The following GGT7 variants were observed in gnomAD, a reference collection of about 807,000 sequenced individuals.
The protein encoded by GGT7 is gamma-glutamyltransferase 7, also known as glutathione hydrolase 7.
GGT7 carries 30 observed loss-of-function variants against 69.2 expected under a neutral mutation model. That is an observed-to-expected ratio of 0.43 (90% CI 0.32 to 0.59). GGT7 has a LOEUF of 0.59. Ranked by LOEUF, GGT7 falls within the 20% of genes least tolerant of loss-of-function variation. GGT7 has a pLI of 0.05. For missense variants in GGT7, 733 were observed against 901.1 expected (o/e 0.81, Z 2.39); for synonymous variants, 388 against 391.8 (o/e 0.99, Z 0.12).
At chr20:34,851,747 T>C (rs897360677) in intron 12 of GGT7, among the ~76,000 whole-genome samples, 1 of 152,180 alleles carries the variant, frequency 6.6e-6, no homozygotes, top group Non-Finnish European at 1.5e-5. Flanking sequence ...TTTAACTAGA[T>C]AAAAATTATT....
At chr20:34,862,029 T>C (rs1409351580) in intron 3 of GGT7, among the ~76,000 whole-genome samples, 1 of 152,196 alleles carries the variant, frequency 6.6e-6, no homozygotes, top group Non-Finnish European at 1.5e-5. Flanking sequence ...GGAGCCAAGA[T>C]AGGAACTTTG....
At chr20:34,856,964 G>A in intron 7 of GGT7, 71 bp from the exon 8 acceptor site, 1 of 924,104 alleles carries the variant, frequency 1.1e-6, no homozygotes, top group Non-Finnish European at 1.8e-6. Context: ...TAACACGTTT[G>A]GATCACAGAC....
At chr20:34,859,763 T>G (rs995519626) in intron 6 of GGT7, 124 bp from the exon 7 acceptor site, 1 of 876,386 alleles carries the variant, frequency 1.1e-6, no homozygotes, top group Non-Finnish European at 1.7e-6. Context: ...CCCAGGAGCC[T>G]GTTAAGTGCG....
At position 34,856,868 on chromosome 20, in the gene GGT7, G is replaced by A; in HGVS notation, c.1040C>T (p.Thr347Ile). The A allele has an allele frequency of 6.2e-7, 1 of 1,610,712 alleles. No individual in the cohort carries two copies. The highest frequency in any genetic ancestry group is 2.2e-5 in the East Asian group (1 of 44,836). Residue 347 changes from threonine (T) to isoleucine (I), a missense_variant, in exon 8 of 15, where the codon ACC becomes ATC. Coordinates refer to ENST00000336431, the MANE Select transcript of GGT7 (RefSeq NM_178026.3). ...AEAQHAGGVI[T>I]EEDFSNYSAL... Reference sequence around the variant, plus strand: ...GCTGTAATTGCTGAAGTCCTCTTCGGTTATGACACCCCCTGCGTGCTGAGC... The same window carrying A: ...GCTGTAATTGCTGAAGTCCTCTTCGATTATGACACCCCCTGCGTGCTGAGC...
intron 14 of GGT7, among the ~76,000 whole-genome samples, chr20:34,849,079 A>G (rs1479161867): frequency 6.8e-6 from 1 of 146,408 alleles, no homozygotes; most frequent in African/African-American, 2.5e-5. Flanking sequence ...CACCAAACCC[A>G]CTCCTGCCCT....
intron 3 of GGT7, among the ~76,000 whole-genome samples, chr20:34,861,996 C>T (rs978922710): frequency 7.9e-5 from 12 of 152,286 alleles, no homozygotes; most frequent in East Asian, 7.7e-4. Context: ...TTCTTTGGTA[C>T]GGCTTGGAGA....
At chr20:34,864,594 GC>G (rs1210535822) in intron 1 of GGT7, among the ~76,000 whole-genome samples, 1 of 151,838 alleles carries the variant, frequency 6.6e-6, no homozygotes, top group Non-Finnish European at 1.5e-5. Flanking sequence ...GGTGATGTGT[GC>G]CTCTAATTCC....
At chr20:34,852,797 C>T (rs770103345) in intron 10 of GGT7, among the ~76,000 whole-genome samples, 2 of 152,208 alleles carry the variant, frequency 1.3e-5, no homozygotes, top group African/African-American at 2.4e-5. Flanking sequence ...TTTTAGTTAT[C>T]TGACTTCTTA....
intron 14 of GGT7, among the ~76,000 whole-genome samples, chr20:34,848,997 T>C (rs1197981822): frequency 6.6e-6 from 1 of 152,078 alleles, no homozygotes; most frequent in African/African-American, 2.4e-5. Flanking sequence ...AGGTCCACGA[T>C]CCGGCGCCTG....
intron 14 of GGT7, among the ~76,000 whole-genome samples, chr20:34,849,251 C>T (rs1173261374): frequency 6.6e-6 from 1 of 151,424 alleles, no homozygotes. Context: ...TAACCTCTGC[C>T]TCCCTGGTTC....
chr20:34,855,039 C>T (rs749483658), intron 8 of GGT7, 116 bp from the exon 9 acceptor site: 9 of 943,120 alleles, frequency 9.5e-6, no homozygotes, highest in South Asian at 1.7e-5. Flanking sequence ...AACTCCCTCA[C>T]CAGATGGGGA....
chr20:34,854,502 G>C, intron 10 of GGT7, 29 bp downstream of exon 10: 1 of 1,406,438 alleles, frequency 7.1e-7, no homozygotes, highest in Non-Finnish European at 1.0e-6. Flanking sequence ...CGCTGCCTCT[G>C]TAGCCCCCAG....
intron 1 of GGT7, among the ~76,000 whole-genome samples, chr20:34,870,617 A>G (rs1181809225): frequency 6.7e-6 from 1 of 150,036 alleles, no homozygotes; most frequent in Non-Finnish European, 1.5e-5. Context: ...GACACCTGCC[A>G]CCAGGCCTGG....
Position 34,858,098 on chromosome 20 carries a change from T to C in GGT7, c.1015-1205A>G, listed in dbSNP as rs752932334. 9.3e-4 allele frequency among the ~76,000 whole-genome samples: 142 copies of C among 152,250 alleles called. 1 individual carries two copies. Among genetic ancestry groups the C allele is most frequent in the Non-Finnish European group, 9.9e-4 (67 of 68,010 alleles). On this transcript the variant is annotated intron_variant, in intron 7 of 14. Coordinates refer to ENST00000336431, the MANE Select transcript of GGT7 (RefSeq NM_178026.3). ...TTCCCTTCTGTGCCACAGTGATTGA[T>C]TTGGGAATAGTCATGAAACCTATGA...
intron 7 of GGT7, among the ~76,000 whole-genome samples, chr20:34,858,397 T>G (rs543051289): frequency 2.4e-4 from 36 of 152,344 alleles, no homozygotes; most frequent in African/African-American, 7.9e-4. Context: ...TAAGTCTGTT[T>G]GAGTCTATCG....
rs1176502432 is a variant in GGT7, at chr20:34,863,522, G to A, written c.196C>T (p.Arg66Trp). 1.9e-6 allele frequency: 3 copies of A among 1,591,766 alleles called. No homozygotes were observed. Among genetic ancestry groups the A allele is most frequent in the African/African-American group, 1.3e-5 (1 of 74,442 alleles). Reference protein sequence around the residue: ...TDPDSFLKSARLQRLPSSSSE... With the variant: ...TDPDSFLKSAWLQRLPSSSSE... ...GACGACGATGGCAGCCGCTGCAGCC[G>A]TGCAGACTTCAGGAAGGAGTCCGGG... is the stretch of plus-strand genomic sequence containing the variant. Residue 66 changes from arginine to tryptophan, a missense_variant, in exon 2 of 15, where the codon CGG (arginine) becomes TGG (tryptophan). Arg to Trp is a moderately radical substitution (Grantham distance 101, BLOSUM62 -3). Transcript: ENST00000336431. The surrounding 1 kb of genome is among the most constrained non-coding windows in gnomAD (Gnocchi z 4.4).
chr20:34,848,204 G>C (rs1027682186), intron 14 of GGT7, among the ~76,000 whole-genome samples: 4 of 152,232 alleles, frequency 2.6e-5, no homozygotes, highest in Non-Finnish European at 4.4e-5. Context: ...CAAAGGTGCT[G>C]GGTAAATTGA....
At chr20:34,869,198 C>T (rs1989066106) in intron 1 of GGT7, among the ~76,000 whole-genome samples, 1 of 151,814 alleles carries the variant, frequency 6.6e-6, no homozygotes, top group African/African-American at 2.4e-5. Flanking sequence ...AACAGTGTCT[C>T]ACTCTGTTGC....
At chr20:34,848,746 T>G (rs2079338913) in intron 14 of GGT7, among the ~76,000 whole-genome samples, 1 of 152,250 alleles carries the variant, frequency 6.6e-6, no homozygotes. Context: ...GTGGTTGATC[T>G]TTGACTAGTT....
Sources: allele counts gnomAD v4.1 joint callset (sites outside exome capture counted in the v4.1 genomes callset), GRCh38; gene constraint gnomAD v4.1.1; non-coding constraint Gnocchi (gnomAD v3.1); transcripts MANE v1.5; gene names NCBI Gene and HGNC (gene_info 2026-07-23, HGNC 2026-07-21).